Variants in AIM2 observed in about 807,000 individuals in gnomAD.
The protein encoded by AIM2 is absent in melanoma 2.
A neutral mutation model predicts 27.7 loss-of-function variants in AIM2; 30 were observed. The observed-to-expected ratio is 1.08, with a 90% confidence interval of 0.81 to 1.47. The LOEUF (loss-of-function observed/expected upper bound fraction) is 1.47. Among genes scored for constraint, AIM2 ranks in the 40% most tolerant of loss-of-function variants. The probability of loss-of-function intolerance (pLI) is 0.00; values close to 1 mark genes in which losing one functional copy is unlikely to be tolerated. For synonymous variants in AIM2, 141 were observed against 145.3 expected (o/e 0.97, Z 0.21); for missense variants, 358 against 411.3 (o/e 0.87, Z 1.12).
downstream of AIM2, among the ~76,000 whole-genome samples, chr1:159,060,177 T>G (rs1216942659): frequency 6.6e-6 from 1 of 152,234 alleles, no homozygotes; most frequent in Non-Finnish European, 1.5e-5. Flanking sequence ...AACTAACACT[T>G]CTGAGGACAT....
At chr1:159,059,438 G>C (rs1239501715), downstream of AIM2, among the ~76,000 whole-genome samples, 1 of 152,122 alleles carries the variant, frequency 6.6e-6, no homozygotes, top group Non-Finnish European at 1.5e-5. Context: ...GAGTGAAGTG[G>C]TCAAAATCAC....
intron 1 of AIM2, among the ~76,000 whole-genome samples, chr1:159,107,300 GTGTGTA>G (rs1034687800): frequency 4.0e-5 from 6 of 150,614 alleles, no homozygotes; most frequent in African/African-American, 1.5e-4. Flanking sequence ...AGATGTACAT[GTGTGTA>G]TGTGTGTGTG....
chr1:159,119,516 C>T (rs564090001), intron 1 of AIM2, among the ~76,000 whole-genome samples: 19 of 152,080 alleles, frequency 1.2e-4, no homozygotes, highest in South Asian at 8.3e-4. Context: ...TCAAGCTGTA[C>T]CCTTTTGTCA....
At chr1:159,133,507 T>C (rs1369378545) in intron 1 of AIM2, among the ~76,000 whole-genome samples, 1 of 152,192 alleles carries the variant, frequency 6.6e-6, no homozygotes, top group Non-Finnish European at 1.5e-5. Context: ...CCTATATGCA[T>C]TCTTTGTTTC....
At chr1:159,093,267 C>T (rs1657089404) in intron 1 of AIM2, among the ~76,000 whole-genome samples, 1 of 152,038 alleles carries the variant, frequency 6.6e-6, no homozygotes, top group South Asian at 2.1e-4. Flanking sequence ...ACTTCAATTC[C>T]CCTTCTCAGC....
chr1:159,063,605 C>A lies in AIM2; in HGVS notation c.886G>T (p.Val296Phe). ...CATTTCATTGTGTCCTCGTTTCTAA[C>A]CCCCAGTACTTCCATTTTCCCAGTG... ...DNTGKMEVLG[V>F]RNEDTMKCKE... The change falls in exon 5 of 6, where the codon GTT (valine) becomes TTT (phenylalanine). Residue 296 changes from valine (V) to phenylalanine (F), a missense_variant. Coordinates refer to ENST00000368130, the MANE Select transcript of AIM2 (RefSeq NM_004833.3). 6.2e-7 allele frequency: 1 copy of A among 1,614,112 alleles called. No homozygotes were observed. Among genetic ancestry groups the A allele is most frequent in the Non-Finnish European group, 8.5e-7 (1 of 1,179,990 alleles).
intron 1 of AIM2, among the ~76,000 whole-genome samples, chr1:159,115,898 C>A (rs1647327687): frequency 6.6e-6 from 1 of 151,896 alleles, no homozygotes; most frequent in South Asian, 2.1e-4. Flanking sequence ...AACAGGCAAC[C>A]TACAGAATGG....
At chr1:159,070,519 C>A (rs915702810) in intron 2 of AIM2, among the ~76,000 whole-genome samples, 1 of 152,160 alleles carries the variant, frequency 6.6e-6, no homozygotes, top group African/African-American at 2.4e-5. Flanking sequence ...TGTTTGATGA[C>A]TTAAGGCACT....
chr1:159,070,729 A>T (rs1251835327), intron 2 of AIM2, among the ~76,000 whole-genome samples: 1 of 152,256 alleles, frequency 6.6e-6, no homozygotes, highest in Non-Finnish European at 1.5e-5. Flanking sequence ...AAAGTGGTTG[A>T]CTGTCTGACA....
chr1:159,131,029 C>G (rs932132751), intron 1 of AIM2, among the ~76,000 whole-genome samples: 4 of 152,116 alleles, frequency 2.6e-5, no homozygotes, highest in Admixed American at 2.6e-4. Flanking sequence ...TCCAGGAAGC[C>G]CTGATGATCC....
intron 3 of AIM2, among the ~76,000 whole-genome samples, chr1:159,067,055 T>C (rs1156630074): frequency 1.3e-5 from 2 of 152,164 alleles, no homozygotes; most frequent in African/African-American, 2.4e-5. Flanking sequence ...ATAAAATAGG[T>C]ATAGTCACAA....
At chr1:159,127,337 C>T (rs1331552097) in intron 1 of AIM2, among the ~76,000 whole-genome samples, 2 of 152,178 alleles carry the variant, frequency 1.3e-5, no homozygotes, top group African/African-American at 2.4e-5. Context: ...CCCTTAGGGT[C>T]GCCTCTGCTC....
At chr1:159,126,744 T>C (rs1647704795) in intron 1 of AIM2, among the ~76,000 whole-genome samples, 1 of 151,460 alleles carries the variant, frequency 6.6e-6, no homozygotes, top group Admixed American at 6.6e-5. Context: ...GACTCAGCAA[T>C]CCAATTCCCA....
At chr1:159,056,274 TC>T in the AIM2 span, among the ~76,000 whole-genome samples, 1 of 152,210 alleles carries the variant, frequency 6.6e-6, no homozygotes, top group African/African-American at 2.4e-5. Context: ...GCTGGGCTCT[TC>T]CCCACTGGAA....
chr1:159,123,228 C>T (rs140127591), intron 1 of AIM2, among the ~76,000 whole-genome samples: 290 of 152,230 alleles, frequency 1.9e-3, no homozygotes, highest in African/African-American at 6.7e-3. Flanking sequence ...AAAAAAAATA[C>T]TCTCTGCATT....
intron 1 of AIM2, among the ~76,000 whole-genome samples, chr1:159,090,302 A>T (rs1318143828): frequency 6.6e-6 from 1 of 152,260 alleles, no homozygotes; most frequent in Non-Finnish European, 1.5e-5. Context: ...AGTCATATTC[A>T]CAAATACTGT....
intron 2 of AIM2, among the ~76,000 whole-genome samples, chr1:159,071,130 C>T (rs1291104028): frequency 4.6e-5 from 7 of 152,162 alleles, no homozygotes; most frequent in Non-Finnish European, 8.8e-5. Context: ...CCTTTTTCTA[C>T]GCTTATGTGT....
At chr1:159,091,562 T>C (rs540700333) in intron 1 of AIM2, among the ~76,000 whole-genome samples, 19 of 152,370 alleles carry the variant, frequency 1.2e-4, no homozygotes, top group Middle Eastern at 6.8e-3. Context: ...CAAAATTATA[T>C]ACTTACAAAG....
At chr1:159,060,805 C>T (rs1227627283), downstream of AIM2, among the ~76,000 whole-genome samples, 6 of 152,110 alleles carry the variant, frequency 3.9e-5, no homozygotes, top group Non-Finnish European at 7.4e-5. Flanking sequence ...GAGGGATAAT[C>T]GAGTTTTTTG....
Sources: gnomAD v4.1 joint callset for allele counts (sites outside exome capture counted in the v4.1 genomes callset) on GRCh38, gnomAD v4.1.1 for gene constraint, MANE v1.5 for transcripts, NCBI Gene and HGNC (gene_info 2026-07-23, HGNC 2026-07-21) for gene names.